Variants in DNMBP observed in about 807,000 individuals in gnomAD.
DNMBP encodes the protein dynamin binding protein.
DNMBP carries 87 observed loss-of-function variants against 150.0 expected under a neutral mutation model. The ratio of observed to expected loss-of-function variants is 0.58; its 90% CI spans 0.49 to 0.69. DNMBP has a LOEUF of 0.69. Ranked by LOEUF, DNMBP falls within the 30% of genes least tolerant of loss-of-function variation. The pLI, the probability that DNMBP is intolerant of heterozygous loss-of-function variation, is 0.00. For synonymous variants in DNMBP, 711 were observed against 750.4 expected (o/e 0.95, Z 0.86); for missense variants, 1,774 against 1,949.0 (o/e 0.91, Z 1.69).
At chr10:99,893,478 G>A (rs1324045598) in intron 11 of DNMBP, among the ~76,000 whole-genome samples, 4 of 152,234 alleles carry the variant, frequency 2.6e-5, no homozygotes, top group Non-Finnish European at 5.9e-5. Context: ...GCTCACGCCT[G>A]TAATTCCAAC....
At chr10:99,993,004 C>T (rs2040912849) in intron 1 of DNMBP, among the ~76,000 whole-genome samples, 1 of 151,912 alleles carries the variant, frequency 6.6e-6, no homozygotes, top group South Asian at 2.1e-4. Context: ...TGATTGCACC[C>T]TCTAATCTGG....
chr10:99,879,084 C>CAAAAAAAAAAAAAAAAA (rs71009780), intron 16 of DNMBP, among the ~76,000 whole-genome samples: 15 of 62,392 alleles, frequency 2.4e-4, no homozygotes, highest in South Asian at 6.3e-4. Context: ...GACTCTGTCT[C>CAAAAAAAAAAAAAAAAA]AAAAAAAAAA....
chr10:100,000,071 T>G (rs2133387211), intron 1 of DNMBP, among the ~76,000 whole-genome samples: 1 of 152,358 alleles, frequency 6.6e-6, no homozygotes. Context: ...TTAATATAAT[T>G]TGAAGACTTG....
intron 1 of DNMBP, among the ~76,000 whole-genome samples, chr10:99,980,656 A>AT (rs200912871): frequency 3.9e-4 from 59 of 151,216 alleles, no homozygotes; most frequent in African/African-American, 1.2e-3. Flanking sequence ...AAAAAAAAAA[A>AT]TAGCTGGGCG....
At chr10:99,885,065 C>T (rs1468560707) in intron 14 of DNMBP, among the ~76,000 whole-genome samples, 1 of 151,578 alleles carries the variant, frequency 6.6e-6, no homozygotes, top group Non-Finnish European at 1.5e-5. Context: ...AAGACTAACT[C>T]CAGGTAAAAA....
chr10:99,901,381 A>G (rs1309116831), intron 6 of DNMBP, among the ~76,000 whole-genome samples: 2 of 152,192 alleles, frequency 1.3e-5, no homozygotes, highest in African/African-American at 4.8e-5. Context: ...GCAACGACCT[A>G]ATCTGACAGA....
At chr10:100,000,871 A>AC (rs1417890227) in intron 1 of DNMBP, among the ~76,000 whole-genome samples, 2 of 137,984 alleles carry the variant, frequency 1.4e-5, no homozygotes, top group Non-Finnish European at 3.1e-5. Flanking sequence ...AAAAAAAAAA[A>AC]AAAAAAAAAA....
intron 3 of DNMBP, among the ~76,000 whole-genome samples, chr10:99,966,471 T>C (rs1264984358): frequency 6.6e-6 from 1 of 152,226 alleles, no homozygotes; most frequent in Admixed American, 6.5e-5. Context: ...TGCCAGATTC[T>C]TTCTGAGAAT....
In DNMBP at chr10:99,886,365, C is replaced by G. The variant is rs756382284; in HGVS notation, c.3553G>C (p.Gly1185Arg). 2 of 1,614,152 alleles carry G rather than the reference C, an allele frequency of 1.2e-6. No individual in the cohort carries two copies. Among genetic ancestry groups the G allele is most frequent in the Non-Finnish European group, 1.7e-6 (2 of 1,180,042 alleles). The change falls in exon 13 of 17, where the codon GGC (glycine) becomes CGC (arginine). Residue 1185 changes from glycine to arginine, a missense_variant. Physicochemically the swap from Gly to Arg is moderately radical, Grantham distance 125 (BLOSUM62 -2). Around this residue, in one of 2 missense-constraint regions of DNMBP, gnomAD observed 1,430 missense variants for 1,492.5 expected, o/e 0.96. Transcript: ENST00000324109. ...AAGTCACAGTGGGCTTCAGCATAGC[C>G]GTGGACACAGTTGGTGAAGAGGCCC... ...AQGLFTNCVH[G>R]YAEAHCDFVH...
chr10:99,923,318 G>A (rs544160112), intron 4 of DNMBP, among the ~76,000 whole-genome samples: 35 of 152,080 alleles, frequency 2.3e-4, no homozygotes, highest in African/African-American at 8.0e-4. Flanking sequence ...CACCAGAGTC[G>A]GAGGCTGCAG....
chr10:99,999,505 TTTC>T (rs1477509393), intron 1 of DNMBP, among the ~76,000 whole-genome samples: 1 of 152,130 alleles, frequency 6.6e-6, no homozygotes, highest in African/African-American at 2.4e-5. Flanking sequence ...TTATCCGCGG[TTTC>T]ACTTTCCACA....
rs564659758 is a variant in DNMBP, at chr10:99,984,533, G to A, written c.-10-12399C>T. Among the ~76,000 whole-genome samples the A allele has an allele frequency of 4.4e-4, 67 of 152,272 alleles. 2 individuals are homozygous for A. The highest frequency in any genetic ancestry group is 1.6e-3 in the African/African-American group (66 of 41,554). On this transcript the variant is annotated intron_variant, in intron 1 of 16. Coordinates refer to ENST00000324109, the MANE Select transcript of DNMBP (RefSeq NM_015221.4). Reference sequence around the variant, plus strand: ...ATAGATAACAAAGAACACAATAAACGTGTAAAAACACGCAGTTTTTAAGAC... The same window carrying A: ...ATAGATAACAAAGAACACAATAAACATGTAAAAACACGCAGTTTTTAAGAC...
chr10:99,890,467 T>A (rs1186742120), intron 11 of DNMBP, among the ~76,000 whole-genome samples: 1 of 152,184 alleles, frequency 6.6e-6, no homozygotes, highest in Admixed American at 6.5e-5. Context: ...CAACCCAAAA[T>A]GTATCAGTCA....
At chr10:99,897,942 C>G in intron 9 of DNMBP, 144 bp downstream of exon 9, 1 of 673,704 alleles carries the variant, frequency 1.5e-6, no homozygotes, top group South Asian at 1.9e-5. Context: ...TATCATATTT[C>G]CCCCAAATTC....
chr10:99,971,853 TTTCTTTC>T (rs1328902576), intron 2 of DNMBP, 120 bp downstream of exon 2: 3 of 958,960 alleles, frequency 3.1e-6, no homozygotes, highest in African/African-American at 1.7e-5. Flanking sequence ...TCTTTCTTTC[TTTCTTTC>T]TTTTTTTTTT....
chr10:99,914,608 T>C (rs2039940670), intron 4 of DNMBP, among the ~76,000 whole-genome samples: 1 of 152,164 alleles, frequency 6.6e-6, no homozygotes, highest in Non-Finnish European at 1.5e-5. Flanking sequence ...GCAGGAGTGA[T>C]TCACAGGAAC....
chr10:99,906,585 T>C (rs1330338929), intron 6 of DNMBP, among the ~76,000 whole-genome samples: 1 of 152,158 alleles, frequency 6.6e-6, no homozygotes, highest in Non-Finnish European at 1.5e-5. Context: ...CTCTCTCTCA[T>C]TCTGTCTCTC....
At chr10:99,905,124 CAT>C (rs1312964197) in intron 6 of DNMBP, among the ~76,000 whole-genome samples, 1 of 152,178 alleles carries the variant, frequency 6.6e-6, no homozygotes, top group African/African-American at 2.4e-5. Flanking sequence ...CTTAAAAAAT[CAT>C]ATACACTGTC....
intron 4 of DNMBP, among the ~76,000 whole-genome samples, chr10:99,952,578 TC>T (rs2040437143): frequency 1.3e-5 from 2 of 152,182 alleles, no homozygotes; most frequent in African/African-American, 4.8e-5. Context: ...TCCCTAGCTA[TC>T]CCCTAATCAA....
Sources: allele counts gnomAD v4.1 joint callset (sites outside exome capture counted in the v4.1 genomes callset), GRCh38; gene constraint gnomAD v4.1.1; regional missense constraint gnomAD v4.1.1; transcripts MANE v1.5; gene names NCBI Gene and HGNC (gene_info 2026-07-23, HGNC 2026-07-21).